GCN1: variants seen among roughly 807,000 people sequenced by gnomAD.
The protein encoded by GCN1 is stalled ribosome sensor GCN1.
A neutral mutation model predicts 288.4 loss-of-function variants in GCN1; 90 were observed. The observed-to-expected ratio is 0.31, with a 90% CI of 0.26 to 0.37. The LOEUF (loss-of-function observed/expected upper bound fraction) is 0.37, where lower values mean the gene tolerates loss of function less well. Ranked by LOEUF, GCN1 falls within the 10% of genes least tolerant of loss-of-function variation. GCN1 has a pLI of 1.00. For missense variants in GCN1, 2,586 were observed against 3,419.9 expected (o/e 0.76, Z 6.08); for synonymous variants, 1,386 against 1,420.2 (o/e 0.98, Z 0.54).
Position 120,189,370 on chromosome 12 carries a change from C to CT in GCN1, c.121+927dup, listed in dbSNP as rs1278473363. Among the ~76,000 whole-genome samples, 1,081 of 134,280 alleles carry CT rather than the reference C, an allele frequency of 8.1e-3. 13 individuals are homozygous for CT. Among genetic ancestry groups the CT allele is most frequent in the African/African-American group, 0.014 (511 of 36,634 alleles). The allele number at this position is 134,280 out of a possible 152,430, so 88.1% of individuals were successfully genotyped here. On this transcript the variant is annotated intron_variant, in intron 2 of 57. Coordinates refer to ENST00000300648, the MANE Select transcript of GCN1 (RefSeq NM_006836.2). ...ACAGGCGTGAGCCACCACACCCAGG[C>CT]TTTTTTTTTTTTTTTTGAGTCTCAC...
chr12:120,178,711 G>A lies in GCN1; in HGVS notation c.574C>T (p.Pro192Ser). ...AGCATGCCAGCATAGTTCTGGTTGGGCTCTAGGCTGAGAATGGCTGACAAG... is the reference window on the plus strand; with the variant it reads ...AGCATGCCAGCATAGTTCTGGTTGGACTCTAGGCTGAGAATGGCTGACAAG... ...QYLSAILSLE[P>S]NQNYAGMLGL... Residue 192 changes from proline to serine, a missense_variant, in exon 7 of 58, where the codon CCC becomes TCC. Coordinates refer to ENST00000300648, the MANE Select transcript of GCN1 (RefSeq NM_006836.2). The A allele has an allele frequency of 6.2e-7, 1 of 1,614,084 alleles. No homozygotes were observed. Among genetic ancestry groups the A allele is most frequent in the Non-Finnish European group, 8.5e-7 (1 of 1,179,912 alleles).
chr12:120,140,851 A>G lies in GCN1; in HGVS notation c.5994+8T>C, dbSNP rs1331913823. 1 of 1,612,286 alleles carries G rather than the reference A, an allele frequency of 6.2e-7. No individual in the cohort carries two copies. Among genetic ancestry groups the G allele is most frequent in the Admixed American group, 1.7e-5 (1 of 59,930 alleles). On this transcript the variant is annotated splice_region_variant and intron_variant, in intron 45 of 57. Coordinates refer to ENST00000300648, the MANE Select transcript of GCN1 (RefSeq NM_006836.2). ...GCACAGCTGGCGGGATCCTTGGAAG[A>G]TACTCACGGCATCCCGGCTGGTGGA...
At chr12:120,174,847 A>C (rs1444139959) in intron 12 of GCN1, among the ~76,000 whole-genome samples, 2 of 149,466 alleles carry the variant, frequency 1.3e-5, no homozygotes, top group Non-Finnish European at 3.0e-5. Flanking sequence ...TACTCCTGGC[A>C]GAGAAATCCT....
intron 34 of GCN1, 148 bp from the exon 35 acceptor site, chr12:120,150,191 G>T (rs1877494776): frequency 1.4e-6 from 1 of 719,646 alleles, no homozygotes; most frequent in African/African-American, 1.8e-5. Context: ...GCCCCATGAG[G>T]AGGCAGCACC....
chr12:120,134,306 C>G lies in GCN1; in HGVS notation c.7302G>C (p.Met2434Ile). The G allele has an allele frequency of 6.2e-7, 1 of 1,613,186 alleles. No individual in the cohort carries two copies. Among genetic ancestry groups the G allele is most frequent in the Non-Finnish European group, 8.5e-7 (1 of 1,179,208 alleles). ...RKNIVSLLLSMLGHDEDNTRI... is the reference protein window; with the variant it reads ...RKNIVSLLLSILGHDEDNTRI... ...GCAGCCGTACCTCATCGTGTCCCAGCATGCTCAGCAGGAGTGAGACGATGT... is the reference window on the plus strand; with the variant it reads ...GCAGCCGTACCTCATCGTGTCCCAGGATGCTCAGCAGGAGTGAGACGATGT... Residue 2434 changes from methionine (M) to isoleucine (I), a missense_variant, in exon 53 of 58, where the codon ATG becomes ATC. Transcript: ENST00000300648. This position sits in a 1 kb window ranked among gnomAD's most constrained non-coding sequence, Gnocchi z 5.0.
chr12:120,149,730 G>T lies in GCN1; in HGVS notation c.4432-10C>A. ...CACAGTCATCTGCAGCCTCAAGGGG[G>T]GAGAAAACACATTCAGGGGCCTCCT... On this transcript the variant is annotated splice_polypyrimidine_tract_variant and intron_variant, in intron 35 of 57. Transcript: ENST00000300648. The T allele has an allele frequency of 8.1e-6, 13 of 1,607,468 alleles. No homozygotes were observed. Among genetic ancestry groups the T allele is most frequent in the Non-Finnish European group, 1.1e-5 (13 of 1,174,132 alleles).
At chr12:120,128,905 G>GCA (rs1214675599) in intron 57 of GCN1, among the ~76,000 whole-genome samples, 9 of 132,622 alleles carry the variant, frequency 6.8e-5, no homozygotes, top group Non-Finnish European at 1.2e-4. Flanking sequence ...GCAGTGGCAT[G>GCA]ATCTCAGCTC....
In GCN1 at chr12:120,158,180, C is replaced by T; in HGVS notation, c.2906-150G>A. Reference sequence around the variant, plus strand: ...GCACATGGCACGAGGACAGAGACAGCAGCTGGTAGTCCAGTTCTAAAACCA... The same window carrying T: ...GCACATGGCACGAGGACAGAGACAGTAGCTGGTAGTCCAGTTCTAAAACCA... On this transcript the variant is annotated intron_variant, in intron 25 of 57. Transcript: ENST00000300648. The surrounding 1 kb of genome is among the most constrained non-coding windows in gnomAD (Gnocchi z 4.3). 6.7e-6 allele frequency: 5 copies of T among 741,506 alleles called. No individual in the cohort carries two copies. Among genetic ancestry groups the T allele is most frequent in the Non-Finnish European group, 6.5e-6 (3 of 459,488 alleles). The allele number at this position is 741,506 out of a possible 1,614,324, so 45.9% of individuals were successfully genotyped here.
intron 19 of GCN1, 43 bp downstream of exon 19, chr12:120,163,027 C>A: frequency 6.2e-7 from 1 of 1,613,314 alleles, no homozygotes; most frequent in Non-Finnish European, 8.5e-7. Context: ...TTACCCCATC[C>A]CCTAAAGCTC....
chr12:120,167,305 T>C lies in GCN1; in HGVS notation c.1612+903A>G, dbSNP rs377441576. ...GGGGAGAGGTTGCGGTGGGCTGAGA[T>C]CATGCCACTGCACTCCAGCCTGAGC... On this transcript the variant is annotated intron_variant, in intron 16 of 57. Transcript: ENST00000300648. 6.7e-5 allele frequency among the ~76,000 whole-genome samples: 9 copies of C among 135,112 alleles called. No individual in the cohort carries two copies. In the East Asian group the frequency reaches 2.0e-3, roughly 29 times the overall value. 88.6% of individuals were successfully genotyped at this position (135,112 alleles called of 152,430 possible). A position where few individuals can be genotyped will look rare whatever the true frequency, so the allele number is the denominator to read the frequency against.
chr12:120,143,080 T>G, intron 42 of GCN1, 139 bp from the exon 43 acceptor site: 1 of 549,612 alleles, frequency 1.8e-6, no homozygotes, highest in Non-Finnish European at 3.3e-6. Flanking sequence ...TCAGGTGGTT[T>G]ACATTTCTTT....
intron 2 of GCN1, among the ~76,000 whole-genome samples, chr12:120,188,574 T>A (rs967305004): frequency 1.3e-5 from 2 of 150,396 alleles, no homozygotes; most frequent in Non-Finnish European, 3.0e-5. Context: ...ATAAAAAAAA[T>A]GTTTTTGGCT....
At chr12:120,162,474 A>C (rs1228641593) in intron 20 of GCN1, among the ~76,000 whole-genome samples, 1 of 152,252 alleles carries the variant, frequency 6.6e-6, no homozygotes. Context: ...AGCTGATGGC[A>C]AGACAAAGCC....
rs1276245193 is a variant in GCN1 at position 120,149,618 on chromosome 12, G to A, written c.4534C>T (p.Arg1512Trp). 2 of 1,612,026 alleles carry A rather than the reference G, an allele frequency of 1.2e-6. No individual in the cohort carries two copies. The highest frequency in any genetic ancestry group is 1.7e-6 in the Non-Finnish European group (2 of 1,178,496). ...LLAALEEESWRTKAGSVELLG... is the reference protein window; with the variant it reads ...LLAALEEESWWTKAGSVELLG... ...CGAGTGGTCTTACCAGCTTTGGTCCGCCACGATTCCTCCTCCAGGGCAGCC... is the reference window on the plus strand; with the variant it reads ...CGAGTGGTCTTACCAGCTTTGGTCCACCACGATTCCTCCTCCAGGGCAGCC... The change falls in exon 36 of 58, where the codon CGG (arginine) becomes TGG (tryptophan). Residue 1512 changes from arginine to tryptophan, a missense_variant. Physicochemically the swap from Arg to Trp is moderately radical, Grantham distance 101 (BLOSUM62 -3). Around this residue, in one of 8 missense-constraint regions of GCN1, gnomAD observed 371 missense variants for 572.6 expected, o/e 0.65. Transcript: ENST00000300648.
At chr12:120,149,097 T>TTG (rs549020571) in intron 36 of GCN1, among the ~76,000 whole-genome samples, 11 of 151,034 alleles carry the variant, frequency 7.3e-5, no homozygotes, top group African/African-American at 2.4e-4. Context: ...AGAGCTTTCC[T>TTG]GGGGGGGGAA....
At position 120,147,220 on chromosome 12, in the gene GCN1, C is replaced by T. The variant is rs1877390723; in HGVS notation, c.4779G>A (p.Gln1593=). Residue 1593 remains glutamine, a synonymous_variant, in exon 38 of 58, where the codon CAG becomes CAA. Transcript: ENST00000300648. ...TGTCCAGCAGGGTCTGCAAGCACTT[C>T]TGGGTCTTCCTGGAGGGATCCGTCA... is the stretch of plus-strand genomic sequence containing the variant. ...DALTDPSRKT[Q]KCLQTLLDTK... 6.2e-7 allele frequency: 1 copy of T among 1,612,802 alleles called. No individual in the cohort carries two copies. Among genetic ancestry groups the T allele is most frequent in the African/African-American group, 1.3e-5 (1 of 74,934 alleles).
rs766703654 is a variant in GCN1 at position 120,138,690 on chromosome 12, C to T, written c.6156+5G>A. ...GGTAGGTAGGTGTGTGGTAGATCCACTCACCAGCTGCTTTAGTAAAAATGG... is the reference window on the plus strand; with the variant it reads ...GGTAGGTAGGTGTGTGGTAGATCCATTCACCAGCTGCTTTAGTAAAAATGG... On this transcript the variant is annotated splice_donor_5th_base_variant and intron_variant, in intron 46 of 57. Coordinates refer to ENST00000300648, the MANE Select transcript of GCN1 (RefSeq NM_006836.2). The T allele has an allele frequency of 2.5e-6, 4 of 1,611,926 alleles. No homozygotes were observed. In the East Asian group the frequency reaches 8.9e-5, roughly 36 times the overall value.
rs773179305 is a variant in GCN1 at position 120,174,108 on chromosome 12, G to C, written c.1155C>G (p.Ile385Met). Residue 385 changes from isoleucine (I) to methionine (M), a missense_variant, in exon 13 of 58, where the codon ATC (isoleucine) becomes ATG (methionine). This residue lies in a region of GCN1 where 913 missense variants were observed against 1,107.0 expected (regional missense o/e 0.82). Coordinates refer to ENST00000300648, the MANE Select transcript of GCN1 (RefSeq NM_006836.2). ...SGPSSQVLNG[I>M]VAELFIPFLQ... is the part of the protein sequence containing the mutation. ...GGAACGGGATGAACAGCTCAGCCAC[G>C]ATCCCATTCAGGACCTGACTGGAAG... 4 of 1,607,956 alleles carry C rather than the reference G, an allele frequency of 2.5e-6. No homozygotes were observed. The African/African-American group carries it at 5.3e-5, about 22-fold the overall frequency.
chr12:120,128,837 C>CTTTTT (rs35329199), intron 57 of GCN1, among the ~76,000 whole-genome samples: 47 of 98,424 alleles, frequency 4.8e-4, no homozygotes, highest in African/African-American at 8.7e-4. Flanking sequence ...TCACCCAAAT[C>CTTTTT]TTTTTTTTTT....
Sources: gnomAD v4.1 joint callset for allele counts (sites outside exome capture counted in the v4.1 genomes callset) on GRCh38, gnomAD v4.1.1 for gene constraint, gnomAD v4.1.1 regional missense constraint, Gnocchi (gnomAD v3.1) non-coding constraint, MANE v1.5 for transcripts, NCBI Gene and HGNC (gene_info 2026-07-23, HGNC 2026-07-21) for gene names.